Variants in AGAP1 observed in about 807,000 individuals in gnomAD.
The protein encoded by AGAP1 is arf-GAP with GTPase, ANK repeat and PH domain-containing protein 1.
AGAP1 carries 29 observed loss-of-function variants against 105.3 expected under a neutral mutation model. That is an observed-to-expected ratio of 0.28 (90% CI 0.21 to 0.38). The LOEUF (loss-of-function observed/expected upper bound fraction) is 0.38, where lower values mean the gene tolerates loss of function less well. Among genes scored for constraint, AGAP1 ranks in the 10% least tolerant of loss-of-function variants. AGAP1 has a pLI of 1.00. For synonymous variants in AGAP1, 509 were observed against 485.9 expected (o/e 1.05, Z -0.63); for missense variants, 998 against 1,165.1 (o/e 0.86, Z 2.09).
chr2:235,707,745 G>A (rs1950624319), intron 1 of AGAP1, among the ~76,000 whole-genome samples: 2 of 149,850 alleles, frequency 1.3e-5, no homozygotes, highest in African/African-American at 2.5e-5. Context: ...ATGGTAGGAC[G>A]TGCTCCCCAG....
Position 236,014,853 on chromosome 2 carries a change from T to C in AGAP1, c.1646-21708T>C. The C allele has an allele frequency of 8.8e-6, 4 of 455,972 alleles. No individual in the cohort carries two copies. The highest frequency in any genetic ancestry group is 4.8e-5 in the South Asian group (3 of 62,466). The allele number at this position is 455,972 out of a possible 1,614,324, so 28.2% of individuals were successfully genotyped here. On this transcript the variant is annotated intron_variant, in intron 13 of 17. Transcript: ENST00000304032. The surrounding 1 kb of genome is among the most constrained non-coding windows in gnomAD (Gnocchi z 6.3). ...AACCGTGTTGGTAGCCTGCGAAATA[T>C]ATACAGCAGCAGCACCAACACTGAA... is the stretch of plus-strand genomic sequence containing the variant.
intron 16 of AGAP1, among the ~76,000 whole-genome samples, chr2:236,084,442 G>A (rs992533633): frequency 1.3e-5 from 2 of 152,148 alleles, no homozygotes; most frequent in African/African-American, 4.8e-5. Flanking sequence ...TTTTTAAATA[G>A]CCATAATGCA....
chr2:235,637,872 G>A (rs748943175), intron 1 of AGAP1, among the ~76,000 whole-genome samples: 4 of 152,174 alleles, frequency 2.6e-5, no homozygotes, highest in Non-Finnish European at 4.4e-5. Flanking sequence ...ATGTCCGAGT[G>A]CAGGAAGAGA....
intron 6 of AGAP1, among the ~76,000 whole-genome samples, chr2:235,781,673 A>G (rs1956273057): frequency 6.6e-6 from 1 of 152,238 alleles, no homozygotes; most frequent in South Asian, 2.1e-4. Context: ...CGTAAGCCAA[A>G]CAGTATCCAG....
rs1276904078 is a variant in AGAP1 at position 235,960,217 on chromosome 2, C to T, written c.1484-8245C>T. Among the ~76,000 whole-genome samples the T allele has an allele frequency of 2.6e-5, 4 of 152,304 alleles. No homozygotes were observed. The highest frequency in any genetic ancestry group is 2.1e-4 in the South Asian group (1 of 4,824). Reference sequence around the variant, plus strand: ...TCCAGGATCACAGGTGCTTTGCACACGTCAGTTACTCGAGTCATAGCCTCC... The same window carrying T: ...TCCAGGATCACAGGTGCTTTGCACATGTCAGTTACTCGAGTCATAGCCTCC... On this transcript the variant is annotated intron_variant, in intron 12 of 17. Transcript: ENST00000304032. The surrounding 1 kb of genome is among the most constrained non-coding windows in gnomAD (Gnocchi z 4.9).
At position 235,754,528 on chromosome 2, in the gene AGAP1, T is replaced by C. The variant is rs1171912051; in HGVS notation, c.673+4040T>C. ...ATTTAAAAGGCCAGGGACCTCATTC[T>C]TTCTTCTCCAACATTTGACTTCTTA... is the stretch of plus-strand genomic sequence containing the variant. On this transcript the variant is annotated intron_variant, in intron 6 of 17. Transcript: ENST00000304032. The surrounding 1 kb of genome is among the most constrained non-coding windows in gnomAD (Gnocchi z 4.6). Among the ~76,000 whole-genome samples the C allele has an allele frequency of 6.6e-6, 1 of 152,232 alleles. No homozygotes were observed. Among genetic ancestry groups the C allele is most frequent in the South Asian group, 2.1e-4 (1 of 4,826 alleles).
Position 235,983,343 on chromosome 2 carries a change from C to G in AGAP1, c.1645+14720C>G, listed in dbSNP as rs983405689. On this transcript the variant is annotated intron_variant, in intron 13 of 17. Coordinates refer to ENST00000304032, the MANE Select transcript of AGAP1 (RefSeq NM_001037131.3). This position sits in a 1 kb window ranked among gnomAD's most constrained non-coding sequence, Gnocchi z 4.5. ...CTAGGCCCCCTCCTTTTGTTCAGCT[C>G]CTCCTCTCCAGCACCAACCTCCCAT... Among the ~76,000 whole-genome samples, 1 of 152,018 alleles carries G rather than the reference C, an allele frequency of 6.6e-6. No homozygotes were observed. Among genetic ancestry groups the G allele is most frequent in the Non-Finnish European group, 1.5e-5 (1 of 68,016 alleles).
chr2:235,977,543 C>G lies in AGAP1; in HGVS notation c.1645+8920C>G, dbSNP rs948821638. 1.3e-5 allele frequency among the ~76,000 whole-genome samples: 2 copies of G among 152,146 alleles called. No homozygotes were observed. Among genetic ancestry groups the G allele is most frequent in the Admixed American group, 1.3e-4 (2 of 15,282 alleles). On this transcript the variant is annotated intron_variant, in intron 13 of 17. Coordinates refer to ENST00000304032, the MANE Select transcript of AGAP1 (RefSeq NM_001037131.3). The surrounding 1 kb of genome is among the most constrained non-coding windows in gnomAD (Gnocchi z 5.2). ...GCATCTCATGCACGAGGGTGTTTTT[C>G]TCGGCCTCTGCAGCCCTCAGATGTT...
At chr2:235,595,058 T>A (rs888025563) in intron 1 of AGAP1, among the ~76,000 whole-genome samples, 1 of 152,072 alleles carries the variant, frequency 6.6e-6, no homozygotes, top group Non-Finnish European at 1.5e-5. Flanking sequence ...GAGGCGGGTG[T>A]GGCGCCAGAG....
chr2:235,651,934 GAGA>G (rs749259772), intron 1 of AGAP1, among the ~76,000 whole-genome samples: 27 of 152,200 alleles, frequency 1.8e-4, no homozygotes, highest in Admixed American at 3.3e-4. Context: ...TGATGAGAAG[GAGA>G]AGGAGCCCTG....
chr2:235,770,240 C>T (rs1294432982), intron 6 of AGAP1, among the ~76,000 whole-genome samples: 1 of 151,858 alleles, frequency 6.6e-6, no homozygotes, highest in Non-Finnish European at 1.5e-5. Context: ...CCATGCCATT[C>T]TCCTGCCTCA....
chr2:235,868,664 G>A (rs1443739945), intron 9 of AGAP1, among the ~76,000 whole-genome samples: 1 of 152,196 alleles, frequency 6.6e-6, no homozygotes, highest in Non-Finnish European at 1.5e-5. Flanking sequence ...ATCTTTGTTG[G>A]TAAATAATTG....
chr2:236,057,608 A>C (rs2058085370), intron 16 of AGAP1, among the ~76,000 whole-genome samples: 1 of 151,486 alleles, frequency 6.6e-6, no homozygotes, highest in South Asian at 2.1e-4. Flanking sequence ...TCCCTGACCC[A>C]ACACTGCGTT....
chr2:235,782,584 GT>G (rs142502739), intron 6 of AGAP1, among the ~76,000 whole-genome samples: 3 of 151,980 alleles, frequency 2.0e-5, no homozygotes, highest in Non-Finnish European at 4.4e-5. Context: ...TATGCTTGTT[GT>G]TTTTTTCCCC....
At chr2:235,545,980 C>G (rs1383998452) in intron 1 of AGAP1, among the ~76,000 whole-genome samples, 1 of 152,252 alleles carries the variant, frequency 6.6e-6, no homozygotes, top group Non-Finnish European at 1.5e-5. Context: ...GCACCTTGGC[C>G]AGACCCTCCT....
rs1487348277 is a variant in AGAP1, at chr2:235,737,769, G to T, written c.311-3194G>T. Among the ~76,000 whole-genome samples the T allele has an allele frequency of 6.6e-6, 1 of 152,066 alleles. No individual in the cohort carries two copies. Among genetic ancestry groups the T allele is most frequent in the Non-Finnish European group, 1.5e-5 (1 of 68,008 alleles). On this transcript the variant is annotated intron_variant, in intron 3 of 17. Coordinates refer to ENST00000304032, the MANE Select transcript of AGAP1 (RefSeq NM_001037131.3). This position sits in a 1 kb window ranked among gnomAD's most constrained non-coding sequence, Gnocchi z 4.5. The stretch of plus-strand genomic sequence containing the variant: ...CACTCCTGGAGAGGTAGGCAGCGAG[G>T]GACACTGGCGTTGCAGGGCCCCTGG...
rs570097127 is a variant in AGAP1, at chr2:235,586,855, C to T, written c.163+92006C>T. On this transcript the variant is annotated intron_variant, in intron 1 of 17. Coordinates refer to ENST00000304032, the MANE Select transcript of AGAP1 (RefSeq NM_001037131.3). The surrounding 1 kb of genome is among the most constrained non-coding windows in gnomAD (Gnocchi z 4.2). ...CTGAGTGAGGGAGCTTTCTTGAGGA[C>T]GGGTTTTGTCGGAGTGTAGTTCATA... Among the ~76,000 whole-genome samples, 26 of 152,260 alleles carry T rather than the reference C, an allele frequency of 1.7e-4. No homozygotes were observed. Among genetic ancestry groups the T allele is most frequent in the African/African-American group, 5.5e-4 (23 of 41,548 alleles).
At chr2:235,542,578 ATGTG>A (rs1409720330) in intron 1 of AGAP1, among the ~76,000 whole-genome samples, 1 of 148,696 alleles carries the variant, frequency 6.7e-6, no homozygotes, top group African/African-American at 2.6e-5. Flanking sequence ...CATACCTTTG[ATGTG>A]TCCATTCAGA....
At chr2:235,987,164 G>A (rs2055350816) in intron 13 of AGAP1, among the ~76,000 whole-genome samples, 1 of 150,296 alleles carries the variant, frequency 6.7e-6, no homozygotes, top group Admixed American at 6.6e-5. Flanking sequence ...ATTAATTACT[G>A]CCTCAGTTTC....
Sources: allele counts gnomAD v4.1 joint callset (sites outside exome capture counted in the v4.1 genomes callset), GRCh38; gene constraint gnomAD v4.1.1; non-coding constraint Gnocchi (gnomAD v3.1); transcripts MANE v1.5; gene names NCBI Gene and HGNC (gene_info 2026-07-23, HGNC 2026-07-21).